CMTM4: variants seen among roughly 807,000 people sequenced by gnomAD.
CMTM4 encodes CKLF-like MARVEL transmembrane domain-containing protein 4.
Under a neutral mutation model 19.0 loss-of-function variants are expected in CMTM4, and 8 were observed. That is an observed-to-expected ratio of 0.42 (90% CI 0.25 to 0.76). CMTM4 has a LOEUF of 0.76. Among genes scored for constraint, CMTM4 ranks in the 30% least tolerant of loss-of-function variants. CMTM4 has a pLI of 0.27. For missense variants in CMTM4, 228 were observed against 290.2 expected (o/e 0.79, Z 1.56); for synonymous variants, 106 against 121.1 (o/e 0.88, Z 0.82).
intron 2 of CMTM4, among the ~76,000 whole-genome samples, chr16:66,631,475 T>C (rs1378174296): frequency 6.6e-6 from 1 of 152,144 alleles, no homozygotes; most frequent in Non-Finnish European, 1.5e-5. Flanking sequence ...AATGGCAGTG[T>C]TGTGGAATAG....
At chr16:66,695,408 T>C (rs1264643241) in intron 1 of CMTM4, among the ~76,000 whole-genome samples, 1 of 152,168 alleles carries the variant, frequency 6.6e-6, no homozygotes, top group Non-Finnish European at 1.5e-5. Context: ...TATAAAGTTT[T>C]GAGGCCGGTG....
At chr16:66,623,999 C>T (rs1449764675) in intron 2 of CMTM4, among the ~76,000 whole-genome samples, 2 of 152,226 alleles carry the variant, frequency 1.3e-5, no homozygotes. Context: ...TCACTAAAGC[C>T]TGGAGAATTT....
intron 1 of CMTM4, among the ~76,000 whole-genome samples, chr16:66,644,566 T>C (rs1174716234): frequency 6.6e-6 from 1 of 152,242 alleles, no homozygotes; most frequent in Admixed American, 6.5e-5. Context: ...CAATATTCAC[T>C]ATTGTACCTG....
intron 1 of CMTM4, among the ~76,000 whole-genome samples, chr16:66,666,452 C>CAAAAA (rs991312853): frequency 6.7e-6 from 1 of 150,032 alleles, no homozygotes; most frequent in South Asian, 2.1e-4. Context: ...GACTCTGTCT[C>CAAAAA]AAAAAAAATA....
intron 1 of CMTM4, among the ~76,000 whole-genome samples, chr16:66,695,718 T>G (rs1482106205): frequency 6.6e-6 from 1 of 152,208 alleles, no homozygotes; most frequent in Non-Finnish European, 1.5e-5. Context: ...CCAGCCACCG[T>G]GCTGGGCGGT....
chr16:66,683,589 C>G (rs903416503), intron 1 of CMTM4, among the ~76,000 whole-genome samples: 3 of 151,414 alleles, frequency 2.0e-5, no homozygotes, highest in Admixed American at 6.6e-5. Flanking sequence ...CATTTTTTTT[C>G]TTTTATTAAA....
intron 1 of CMTM4, among the ~76,000 whole-genome samples, chr16:66,661,005 G>A (rs1195627068): frequency 1.3e-5 from 2 of 152,088 alleles, no homozygotes; most frequent in Non-Finnish European, 2.9e-5. Flanking sequence ...TGACCAACAG[G>A]GCATGAACAG....
intron 1 of CMTM4, among the ~76,000 whole-genome samples, chr16:66,638,013 T>C (rs1279191350): frequency 6.6e-6 from 1 of 152,210 alleles, no homozygotes; most frequent in Non-Finnish European, 1.5e-5. Flanking sequence ...TTCTGGGGCC[T>C]TTCTCCACCT....
chr16:66,635,532 C>T (rs1196119986), intron 2 of CMTM4, among the ~76,000 whole-genome samples: 1 of 152,168 alleles, frequency 6.6e-6, no homozygotes, highest in African/African-American at 2.4e-5. Context: ...CAGCCAAACA[C>T]AGACAGAGCC....
At chr16:66,608,203 C>G in the CMTM4 span, 8 of 1,276,172 alleles carry the variant, frequency 6.3e-6, no homozygotes, top group East Asian at 1.9e-4. The surrounding 1 kb of genome is among the most constrained non-coding windows in gnomAD (Gnocchi z 5.1). Flanking sequence ...CAGTTGGCTT[C>G]CCCTGCTGGA....
chr16:66,665,685 A>G (rs2016579305), intron 1 of CMTM4, among the ~76,000 whole-genome samples: 1 of 152,106 alleles, frequency 6.6e-6, no homozygotes, highest in Non-Finnish European at 1.5e-5. Flanking sequence ...CTGAGACAGG[A>G]GAATCACTTG....
chr16:66,621,627 T>C lies in CMTM4; in HGVS notation c.*431A>G. On this transcript the variant is annotated 3_prime_UTR_variant, in exon 4 of 4. Transcript: ENST00000394106. ...GGATCCCAGCACGCAGACTCAACAC[T>C]GACTTGGAGCAGGTGGTGCCTAAGG... 1 of 1,000,650 alleles carries C rather than the reference T, an allele frequency of 1.0e-6. No homozygotes were observed. Among genetic ancestry groups the C allele is most frequent in the Non-Finnish European group, 1.2e-6 (1 of 837,978 alleles). 62.0% of individuals were successfully genotyped at this position (1,000,650 alleles called of 1,614,324 possible).
chr16:66,617,100 C>T lies in CMTM4; in HGVS notation c.*4958G>A. The T allele has an allele frequency of 3.6e-6, 2 of 556,398 alleles. No homozygotes were observed. The highest frequency in any genetic ancestry group is 6.1e-6 in the Non-Finnish European group (2 of 325,720). The allele number at this position is 556,398 out of a possible 1,614,324, so 34.5% of individuals were successfully genotyped here. A position where few individuals can be genotyped will look rare whatever the true frequency, so the allele number is the denominator to read the frequency against. ...AAAGTTTCAATAGCTCCCTGGGGGT[C>T]CAAGCCAAAGGCTCCCTGGCCTTTG... is the stretch of plus-strand genomic sequence containing the variant. On this transcript the variant is annotated 3_prime_UTR_variant, in exon 4 of 4. Coordinates refer to ENST00000394106, the MANE Select transcript of CMTM4 (RefSeq NM_181521.3).
chr16:66,673,188 G>T (rs899931680), intron 1 of CMTM4, among the ~76,000 whole-genome samples: 2 of 140,048 alleles, frequency 1.4e-5, no homozygotes, highest in African/African-American at 2.7e-5. Flanking sequence ...TGGGATCACA[G>T]ATGTGAGCCA....
In CMTM4 at chr16:66,622,040, G is replaced by A. The variant is rs769906527; in HGVS notation, c.*18C>T. The A allele has an allele frequency of 1.4e-5, 22 of 1,552,636 alleles. No homozygotes were observed. The highest frequency in any genetic ancestry group is 2.4e-5 in the South Asian group (2 of 84,828). On this transcript the variant is annotated 3_prime_UTR_variant, in exon 4 of 4. Transcript: ENST00000394106. This position sits in a 1 kb window ranked among gnomAD's most constrained non-coding sequence, Gnocchi z 4.0. The stretch of plus-strand genomic sequence containing the variant: ...AGACAGGCACGAGGACGGGAGGGAG[G>A]AGGATCCAGGCAGGTCCTCACGTGT...
In CMTM4 at chr16:66,616,444, T is replaced by G. The variant is rs2015528124; in HGVS notation, c.*5614A>C. The G allele has an allele frequency of 6.6e-6, 1 of 152,224 alleles. No homozygotes were observed. The highest frequency in any genetic ancestry group is 2.1e-4 in the South Asian group (1 of 4,824). 9.4% of individuals were successfully genotyped at this position (152,224 alleles called of 1,614,324 possible). Reference sequence around the variant, plus strand: ...AATCAAGTTAGGAAAAGCACTGATTTTATCCAAGTAGGTCAATTTGAGGCA... The same window carrying G: ...AATCAAGTTAGGAAAAGCACTGATTGTATCCAAGTAGGTCAATTTGAGGCA... On this transcript the variant is annotated 3_prime_UTR_variant, in exon 4 of 4. Transcript: ENST00000394106.
At chr16:66,661,267 G>A (rs190759218) in intron 1 of CMTM4, among the ~76,000 whole-genome samples, 2 of 152,328 alleles carry the variant, frequency 1.3e-5, no homozygotes, top group East Asian at 3.9e-4. Context: ...GACTGGTGCT[G>A]CGGATGGACT....
chr16:66,696,254 A>C lies in CMTM4; in HGVS notation c.186+86T>G. On this transcript the variant is annotated intron_variant, in intron 1 of 3. Transcript: ENST00000394106. The surrounding 1 kb of genome is among the most constrained non-coding windows in gnomAD (Gnocchi z 4.3). The stretch of plus-strand genomic sequence containing the variant: ...CGGGCTCCGGCCTGGGCAAGCGGGT[A>C]CGCGGCGGAGGCCCCGCAGCGGGGC... 1 of 979,394 alleles carries C rather than the reference A, an allele frequency of 1.0e-6. No homozygotes were observed. Among genetic ancestry groups the C allele is most frequent in the Non-Finnish European group, 1.3e-6 (1 of 753,836 alleles). The allele number at this position is 979,394 out of a possible 1,614,324, so 60.7% of individuals were successfully genotyped here.
the CMTM4 span, among the ~76,000 whole-genome samples, chr16:66,601,868 G>C: frequency 6.6e-6 from 1 of 152,188 alleles, no homozygotes; most frequent in Non-Finnish European, 1.5e-5. Flanking sequence ...GTGGGAAAGG[G>C]GGTCCCAGGG....
Sources: gnomAD v4.1 joint callset for allele counts (sites outside exome capture counted in the v4.1 genomes callset) on GRCh38, gnomAD v4.1.1 for gene constraint, Gnocchi (gnomAD v3.1) non-coding constraint, MANE v1.5 for transcripts, NCBI Gene and HGNC (gene_info 2026-07-23, HGNC 2026-07-21) for gene names.